CSMD3: variants seen among roughly 807,000 people sequenced by gnomAD.
The protein encoded by CSMD3 is CUB and sushi domain-containing protein 3.
Under a neutral mutation model 435.2 loss-of-function variants are expected in CSMD3, and 177 were observed. The ratio of observed to expected loss-of-function variants is 0.41; its 90% CI spans 0.36 to 0.46. CSMD3 has a LOEUF of 0.46. Among genes scored for constraint, CSMD3 ranks in the 20% least tolerant of loss-of-function variants. The pLI is 0.34. For synonymous variants in CSMD3, 1,656 were observed against 1,520.5 expected, an observed-to-expected ratio of 1.09 and a Z score of -2.07; for missense variants, 4,265 against 4,504.6, an observed-to-expected ratio of 0.95 and a Z score of 1.52.
intron 3 of CSMD3, among the ~76,000 whole-genome samples, chr8:113,244,130 T>C (rs749121236): frequency 3.9e-5 from 6 of 152,190 alleles, no homozygotes; most frequent in Non-Finnish European, 7.3e-5. Flanking sequence ...CTTTTTGGTA[T>C]TCTTTGTAGC....
At chr8:112,638,261 T>A (rs1173939222) in intron 21 of CSMD3, among the ~76,000 whole-genome samples, 1 of 149,700 alleles carries the variant, frequency 6.7e-6, no homozygotes, top group Non-Finnish European at 1.5e-5. Context: ...GCCTGTTGAC[T>A]ATGCCTTCTA....
chr8:113,034,028 C>A (rs2087236346), intron 5 of CSMD3, among the ~76,000 whole-genome samples: 1 of 151,480 alleles, frequency 6.6e-6, no homozygotes, highest in South Asian at 2.1e-4. Context: ...TTATGCAAAC[C>A]TTATATTCTA....
At chr8:112,381,282 C>T (rs1829440924) in intron 37 of CSMD3, among the ~76,000 whole-genome samples, 1 of 152,116 alleles carries the variant, frequency 6.6e-6, no homozygotes, top group Admixed American at 6.5e-5. Flanking sequence ...TGTCTTTCAG[C>T]AAATGCATTA....
intron 4 of CSMD3, among the ~76,000 whole-genome samples, chr8:113,133,222 A>C (rs1337094927): frequency 6.6e-6 from 1 of 152,170 alleles, no homozygotes; most frequent in Non-Finnish European, 1.5e-5. Context: ...ACAACAAAAG[A>C]TAAGTTAAAC....
At chr8:112,758,184 C>T (rs1002217534) in intron 13 of CSMD3, among the ~76,000 whole-genome samples, 2 of 151,014 alleles carry the variant, frequency 1.3e-5, no homozygotes, top group Admixed American at 6.6e-5. Flanking sequence ...GAAACCCCAT[C>T]TCTACTGAAA....
intron 5 of CSMD3, among the ~76,000 whole-genome samples, chr8:113,093,925 G>T (rs565310335): frequency 1.5e-4 from 23 of 151,928 alleles, no homozygotes; most frequent in Admixed American, 1.3e-4. Flanking sequence ...TAACCATATT[G>T]TTCCCTTGAC....
chr8:112,589,505 G>T (rs192233285), intron 22 of CSMD3, among the ~76,000 whole-genome samples: 2 of 151,982 alleles, frequency 1.3e-5, no homozygotes, highest in African/African-American at 4.8e-5. Context: ...AAAATATTAC[G>T]GATAATTCTC....
chr8:112,286,587 C>G (rs907956109), intron 58 of CSMD3, among the ~76,000 whole-genome samples: 9 of 151,976 alleles, frequency 5.9e-5, no homozygotes, highest in African/African-American at 2.2e-4. Flanking sequence ...TAGTATATTG[C>G]TATAATTGTT....
In CSMD3 at chr8:112,832,583, T is replaced by A. The variant is rs186321543; in HGVS notation, c.1756-2794A>T. On this transcript the variant is annotated intron_variant, in intron 11 of 70. Coordinates refer to ENST00000297405, the MANE Select transcript of CSMD3 (RefSeq NM_198123.2). ...GAAAGGCACATTTAGCATGGAGCAG[T>A]GGGTGGCCTTTAGGAGCTGAGGGCC... Among the ~76,000 whole-genome samples, 405 of 152,238 alleles carry A rather than the reference T, an allele frequency of 2.7e-3. 2 individuals carry two copies. Among genetic ancestry groups the A allele is most frequent in the African/African-American group, 8.3e-3 (344 of 41,564 alleles).
intron 6 of CSMD3, among the ~76,000 whole-genome samples, chr8:113,014,948 A>T (rs1278980969): frequency 6.6e-6 from 1 of 152,160 alleles, no homozygotes. Flanking sequence ...TGATAAAAGA[A>T]AAACCAATGC....
chr8:112,693,169 T>C lies in CSMD3; in HGVS notation c.1973-3119A>G, dbSNP rs145436232. Among the ~76,000 whole-genome samples the C allele has an allele frequency of 1.2e-3, 179 of 152,172 alleles. 6 individuals carry two copies. Among genetic ancestry groups the C allele is most frequent in the Non-Finnish European group, 9.1e-4 (62 of 67,958 alleles). ...CTGCTCCATGAATGCATGTATTCCA[T>C]TGGATGTTTGCAAACTATAAATAAT... On this transcript the variant is annotated intron_variant, in intron 13 of 70. Coordinates refer to ENST00000297405, the MANE Select transcript of CSMD3 (RefSeq NM_198123.2).
rs1024554150 is a variant in CSMD3 at position 113,408,357 on chromosome 8, T to C, written c.178+28320A>G. 1.8e-4 allele frequency among the ~76,000 whole-genome samples: 27 copies of C among 152,278 alleles called. 1 individual carries two copies. Among genetic ancestry groups the C allele is most frequent in the African/African-American group, 6.0e-4 (25 of 41,550 alleles). On this transcript the variant is annotated intron_variant, in intron 1 of 70. Transcript: ENST00000297405. Reference sequence around the variant, plus strand: ...AATGATTGGAAATCATGGTAAGACTTTTTTCATGAATTTGAAAATTGAAGA... The same window carrying C: ...AATGATTGGAAATCATGGTAAGACTCTTTTCATGAATTTGAAAATTGAAGA...
intron 37 of CSMD3, among the ~76,000 whole-genome samples, chr8:112,381,325 C>A (rs1263452899): frequency 6.6e-6 from 1 of 152,080 alleles, no homozygotes; most frequent in African/African-American, 2.4e-5. Context: ...TGAAGGAGAT[C>A]AAATTTATTT....
chr8:113,157,459 T>A (rs1160906535), intron 4 of CSMD3, among the ~76,000 whole-genome samples: 3 of 133,246 alleles, frequency 2.3e-5, no homozygotes, highest in African/African-American at 5.1e-5. Flanking sequence ...TTCTTTTTGA[T>A]TTCTTCAAAG....
chr8:112,647,464 G>A (rs1190509123), intron 19 of CSMD3, among the ~76,000 whole-genome samples: 1 of 151,886 alleles, frequency 6.6e-6, no homozygotes, highest in African/African-American at 2.4e-5. Context: ...TCGCCACCAC[G>A]CCCGGCTAAT....
At chr8:112,982,967 T>C (rs1294450608) in intron 6 of CSMD3, among the ~76,000 whole-genome samples, 1 of 151,930 alleles carries the variant, frequency 6.6e-6, no homozygotes, top group Non-Finnish European at 1.5e-5. Context: ...AATAGAGGTA[T>C]GAAAAAGAGG....
intron 42 of CSMD3, among the ~76,000 whole-genome samples, chr8:112,340,669 A>G (rs957148165): frequency 6.6e-6 from 1 of 152,164 alleles, no homozygotes; most frequent in South Asian, 2.1e-4. Flanking sequence ...TATCATTTTA[A>G]TATTTAATTT....
At chr8:113,050,043 A>C (rs2088020546) in intron 5 of CSMD3, among the ~76,000 whole-genome samples, 1 of 152,174 alleles carries the variant, frequency 6.6e-6, no homozygotes, top group Non-Finnish European at 1.5e-5. Flanking sequence ...CTTTAGCGGA[A>C]ATAAAAACAT....
intron 5 of CSMD3, among the ~76,000 whole-genome samples, chr8:113,027,038 C>T (rs756740386): frequency 9.9e-5 from 15 of 152,156 alleles, no homozygotes; most frequent in Non-Finnish European, 2.1e-4. Flanking sequence ...TACAAAATTT[C>T]TCCAAGTGTG....
Sources: gnomAD v4.1 joint callset for allele counts (sites outside exome capture counted in the v4.1 genomes callset) on GRCh38, gnomAD v4.1.1 for gene constraint, MANE v1.5 for transcripts, NCBI Gene and HGNC (gene_info 2026-07-23, HGNC 2026-07-21) for gene names.